Variants in ARL15 observed in about 807,000 individuals in gnomAD.
The protein encoded by ARL15 is ARF like GTPase 15.
A neutral mutation model predicts 25.2 loss-of-function variants in ARL15; 19 were observed. That is an observed-to-expected ratio of 0.75 (90% CI 0.53 to 1.10). ARL15 has a LOEUF of 1.10. ARL15 is among the 50% of genes least tolerant of loss of function. ARL15 has a pLI of 0.00. For missense variants in ARL15, 220 were observed against 246.0 expected (o/e 0.89, Z 0.71); for synonymous variants, 94 against 86.8 (o/e 1.08, Z -0.46).
intron 1 of ARL15, among the ~76,000 whole-genome samples, chr5:54,240,830 A>C (rs544968212): frequency 6.6e-6 from 1 of 152,210 alleles, no homozygotes; most frequent in Non-Finnish European, 1.5e-5. Flanking sequence ...TCAACATGAC[A>C]CTCAAAGAAA....
intron 3 of ARL15, among the ~76,000 whole-genome samples, chr5:54,125,222 C>CG (rs1354352957): frequency 6.6e-6 from 1 of 151,678 alleles, no homozygotes; most frequent in African/African-American, 2.4e-5. Flanking sequence ...TTAGTAGAGA[C>CG]GGGGTTTCGC....
chr5:54,229,355 C>T (rs1756606580), intron 1 of ARL15, among the ~76,000 whole-genome samples: 1 of 152,112 alleles, frequency 6.6e-6, no homozygotes, highest in African/African-American at 2.4e-5. Context: ...ACTGAATGTG[C>T]CTGCCCCCTG....
intron 1 of ARL15, among the ~76,000 whole-genome samples, chr5:54,186,631 C>T (rs1755248700): frequency 6.6e-6 from 1 of 152,180 alleles, no homozygotes; most frequent in Non-Finnish European, 1.5e-5. Context: ...AATTTTCCTT[C>T]AAGATTAAAT....
chr5:54,054,222 C>T (rs781698237), intron 4 of ARL15, among the ~76,000 whole-genome samples: 6 of 152,256 alleles, frequency 3.9e-5, no homozygotes, highest in African/African-American at 1.2e-4. Flanking sequence ...TATCTTTCCT[C>T]GTTTTAGCAC....
chr5:54,152,811 G>A (rs769843877), intron 3 of ARL15, among the ~76,000 whole-genome samples: 3 of 152,042 alleles, frequency 2.0e-5, no homozygotes, highest in Non-Finnish European at 4.4e-5. Flanking sequence ...CAGCTCTTTC[G>A]GCAAAATTAA....
At chr5:54,164,372 T>C (rs1167975587) in intron 2 of ARL15, among the ~76,000 whole-genome samples, 2 of 152,084 alleles carry the variant, frequency 1.3e-5, no homozygotes, top group Non-Finnish European at 2.9e-5. Context: ...AAAATGTTAA[T>C]CAGGTCAAGT....
chr5:54,025,029 T>A (rs1309836885), intron 4 of ARL15, among the ~76,000 whole-genome samples: 1 of 152,148 alleles, frequency 6.6e-6, no homozygotes. Flanking sequence ...ACATATTTTT[T>A]AACATAAATT....
At chr5:53,907,486 A>ATGTT (rs1175615384) in intron 4 of ARL15, among the ~76,000 whole-genome samples, 1 of 22,464 alleles carries the variant, frequency 4.5e-5, no homozygotes, top group Admixed American at 7.9e-4. Flanking sequence ...ATATATATAT[A>ATGTT]TATTTTTTTT....
chr5:54,243,974 C>T (rs929873825), intron 1 of ARL15, among the ~76,000 whole-genome samples: 5 of 152,088 alleles, frequency 3.3e-5, no homozygotes, highest in Admixed American at 6.5e-5. Context: ...ATTTGAGCAA[C>T]GATCAAAGAG....
intron 1 of ARL15, among the ~76,000 whole-genome samples, chr5:54,267,581 C>A (rs1757663520): frequency 6.6e-6 from 1 of 151,956 alleles, no homozygotes; most frequent in Non-Finnish European, 1.5e-5. Context: ...GTTAATCATT[C>A]CCTTACATTG....
chr5:54,027,284 G>T lies in ARL15; in HGVS notation c.462+85918C>A, dbSNP rs186769177. Among the ~76,000 whole-genome samples the T allele has an allele frequency of 9.9e-5, 15 of 152,240 alleles. No individual in the cohort carries two copies. The East Asian group carries it at 2.9e-3, about 29-fold the overall frequency. ...TGCACCACACAAAACAAGCAATAAA[G>T]CTGTGCTTATAGAAAGTTTTTGAAA... On this transcript the variant is annotated intron_variant, in intron 4 of 4. Coordinates refer to ENST00000504924, the MANE Select transcript of ARL15 (RefSeq NM_019087.3).
At position 54,118,992 on chromosome 5, in the gene ARL15, T is replaced by A. The variant is rs193070474; in HGVS notation, c.254-5582A>T. 1.6e-3 allele frequency among the ~76,000 whole-genome samples: 246 copies of A among 152,250 alleles called. 2 individuals are homozygous for A. The highest frequency in any genetic ancestry group is 8.1e-3 in the Admixed American group (124 of 15,292). ...TGACTCCAAACACAATTTTACATCA[T>A]TATCTTAGATGTCAATTCCTAACAA... On this transcript the variant is annotated intron_variant, in intron 3 of 4. Coordinates refer to ENST00000504924, the MANE Select transcript of ARL15 (RefSeq NM_019087.3).
chr5:53,930,988 C>T (rs1171565912), intron 4 of ARL15, among the ~76,000 whole-genome samples: 1 of 152,034 alleles, frequency 6.6e-6, no homozygotes, highest in East Asian at 1.9e-4. Flanking sequence ...ATGTTCCTAA[C>T]AATTGAGTCA....
intron 4 of ARL15, among the ~76,000 whole-genome samples, chr5:53,913,871 T>C (rs543715925): frequency 2.6e-5 from 4 of 151,750 alleles, no homozygotes; most frequent in South Asian, 2.1e-4. Flanking sequence ...ACCTGTATCA[T>C]TGCAAGTATT....
chr5:53,962,351 A>T (rs1368035288), intron 4 of ARL15, among the ~76,000 whole-genome samples: 1 of 152,160 alleles, frequency 6.6e-6, no homozygotes, highest in East Asian at 1.9e-4. Flanking sequence ...CATTAAGTAT[A>T]ATATAACATA....
At chr5:54,039,084 T>C (rs967979639) in intron 4 of ARL15, among the ~76,000 whole-genome samples, 2 of 152,286 alleles carry the variant, frequency 1.3e-5, no homozygotes, top group African/African-American at 4.8e-5. Flanking sequence ...GCAATCATGG[T>C]GACAGGGAAG....
intron 4 of ARL15, among the ~76,000 whole-genome samples, chr5:53,891,248 A>T (rs1438480747): frequency 6.6e-6 from 1 of 152,174 alleles, no homozygotes; most frequent in Non-Finnish European, 1.5e-5. Context: ...GGAACAGAAC[A>T]GTCCAGAAAG....
At chr5:54,119,817 C>T (rs570130011) in intron 3 of ARL15, among the ~76,000 whole-genome samples, 1 of 152,178 alleles carries the variant, frequency 6.6e-6, no homozygotes, top group Non-Finnish European at 1.5e-5. Flanking sequence ...ATTCAAACCA[C>T]TACATGCGCT....
chr5:54,082,918 T>C (rs1359678298), intron 4 of ARL15, among the ~76,000 whole-genome samples: 2 of 152,218 alleles, frequency 1.3e-5, no homozygotes, highest in African/African-American at 4.8e-5. Flanking sequence ...ACTAATTTTA[T>C]CATTTTATTT....
Sources: gnomAD v4.1 joint callset for allele counts (sites outside exome capture counted in the v4.1 genomes callset) on GRCh38, gnomAD v4.1.1 for gene constraint, MANE v1.5 for transcripts, NCBI Gene and HGNC (gene_info 2026-07-23, HGNC 2026-07-21) for gene names.